The following HEMGN variants were observed in gnomAD, a reference collection of about 807,000 sequenced individuals.
HEMGN encodes the protein erythroid differentiation-associated gene protein.
A neutral mutation model predicts 45.7 loss-of-function variants in HEMGN; 32 were observed. That is an observed-to-expected ratio of 0.70 (90% CI 0.53 to 0.94). The LOEUF (loss-of-function observed/expected upper bound fraction) is 0.94. HEMGN is among the 40% of genes least tolerant of loss of function. The pLI is 0.00. For missense variants in HEMGN, 530 were observed against 564.2 expected, an observed-to-expected ratio of 0.94 and a Z score of 0.61; for synonymous variants, 183 against 178.6, an observed-to-expected ratio of 1.02 and a Z score of -0.20.
At chr9:97,932,009 G>C (rs376173933) in intron 2 of HEMGN, among the ~76,000 whole-genome samples, 1 of 152,150 alleles carries the variant, frequency 6.6e-6, no homozygotes, top group Admixed American at 6.5e-5. Flanking sequence ...GCTGGGGGAA[G>C]TACTATAAAT....
chr9:97,942,274 C>CTT (rs56055830), upstream of HEMGN, among the ~76,000 whole-genome samples: 58 of 128,182 alleles, frequency 4.5e-4, no homozygotes, highest in Non-Finnish European at 5.9e-4. Flanking sequence ...CTAATTCCTT[C>CTT]TTTTTTTTTT....
upstream of HEMGN, among the ~76,000 whole-genome samples, chr9:97,940,929 A>C (rs940380780): frequency 6.6e-6 from 1 of 152,152 alleles, no homozygotes; most frequent in Non-Finnish European, 1.5e-5. Flanking sequence ...CAATATCATC[A>C]TCTGTGTCAG....
intron 2 of HEMGN, among the ~76,000 whole-genome samples, chr9:97,935,523 T>G (rs1827042036): frequency 1.3e-5 from 2 of 152,118 alleles, no homozygotes; most frequent in African/African-American, 4.8e-5. Flanking sequence ...AGTGCCAAGG[T>G]GGAGACACTT....
At chr9:97,939,332 A>G (rs1827118419), upstream of HEMGN, among the ~76,000 whole-genome samples, 1 of 152,262 alleles carries the variant, frequency 6.6e-6, no homozygotes, top group African/African-American at 2.4e-5. Flanking sequence ...GAACTTGGTC[A>G]GTAAATGTTA....
chr9:97,938,275 A>G (rs1827099000), upstream of HEMGN: 2 of 637,442 alleles, frequency 3.1e-6, no homozygotes, highest in Non-Finnish European at 5.6e-6. Context: ...TTCCCGCCTA[A>G]AAGTTTTATC....
chr9:97,938,192 C>T, upstream of HEMGN: 1 of 1,113,726 alleles, frequency 9.0e-7, no homozygotes, highest in Non-Finnish European at 1.3e-6. Flanking sequence ...AGCCTAGATG[C>T]TTTTTTAAAA....
chr9:97,943,531 G>A (rs888624905), intron 1 of HEMGN, among the ~76,000 whole-genome samples: 2 of 152,182 alleles, frequency 1.3e-5, no homozygotes, highest in African/African-American at 4.8e-5. Flanking sequence ...TAGAATGGCT[G>A]TAGCCTGCCT....
rs763999120 is a variant in HEMGN, at chr9:97,927,399, A to T, written c.1440T>A (p.Ser480Arg). ...NESHPENDVY[S>R]YVLF ...TTGAGCATTGTTAAAACAAAACATAACTATAGACATCATTTTCTGGATGAC... is the reference window on the plus strand; with the variant it reads ...TTGAGCATTGTTAAAACAAAACATATCTATAGACATCATTTTCTGGATGAC... The change falls in exon 4 of 4, where the codon AGT becomes AGA. Residue 480 changes from serine to arginine, a missense_variant. Coordinates refer to ENST00000616898, the MANE Select transcript of HEMGN (RefSeq NM_197978.3). The T allele has an allele frequency of 6.2e-7, 1 of 1,600,496 alleles. No individual in the cohort carries two copies. The highest frequency in any genetic ancestry group is 8.6e-7 in the Non-Finnish European group (1 of 1,169,290).
At chr9:97,933,018 G>A (rs753907612) in intron 2 of HEMGN, among the ~76,000 whole-genome samples, 48 of 152,168 alleles carry the variant, frequency 3.2e-4, no homozygotes, top group Non-Finnish European at 5.7e-4. Flanking sequence ...CTCTGTATGA[G>A]GAGATCTGAG....
intron 2 of HEMGN, among the ~76,000 whole-genome samples, chr9:97,934,337 ACT>A (rs1368700594): frequency 6.6e-6 from 1 of 151,288 alleles, no homozygotes; most frequent in Non-Finnish European, 1.5e-5. Context: ...GCAGAGTGAG[ACT>A]CTGTCTCAAA....
chr9:97,931,049 T>C lies in HEMGN; in HGVS notation c.346A>G (p.Lys116Glu). 6.2e-7 allele frequency: 1 copy of C among 1,614,162 alleles called. No homozygotes were observed. The highest frequency in any genetic ancestry group is 8.5e-7 in the Non-Finnish European group (1 of 1,180,028). Reference sequence around the variant, plus strand: ...GGGGAGGCTACTGAAGGAAATACTTTGGTTATGCTCCCAGGTGGCTCAGTT... The same window carrying C: ...GGGGAGGCTACTGAAGGAAATACTTCGGTTATGCTCCCAGGTGGCTCAGTT... ...KKTEPPGSITKVFPSVASPQK... is the reference protein window; with the variant it reads ...KKTEPPGSITEVFPSVASPQK... Residue 116 changes from lysine (K) to glutamate (E), a missense_variant, in exon 3 of 4, where the codon AAA becomes GAA. Coordinates refer to ENST00000616898, the MANE Select transcript of HEMGN (RefSeq NM_197978.3).
In HEMGN at chr9:97,926,841, AAAAAAT is replaced by A. The variant is rs1467968282; in HGVS notation, c.*537_*542del. 3 of 152,660 alleles carry A rather than the reference AAAAAAT, an allele frequency of 2.0e-5. No homozygotes were observed. Among genetic ancestry groups the A allele is most frequent in the Non-Finnish European group, 4.4e-5 (3 of 68,046 alleles). 9.5% of individuals were successfully genotyped at this position (152,660 alleles called of 1,614,324 possible). A position where few individuals can be genotyped will look rare whatever the true frequency, so the allele number is the denominator to read the frequency against. ...TACATTGTGCACAAATACAATATTT[AAAAAAT>A]AAAAATAGAAAATCAAAATTCAAAT... On this transcript the variant is annotated 3_prime_UTR_variant, in exon 4 of 4. Coordinates refer to ENST00000616898, the MANE Select transcript of HEMGN (RefSeq NM_197978.3).
chr9:97,930,067 TC>T lies in HEMGN; in HGVS notation c.1327del (p.Glu443LysfsTer13), dbSNP rs1257626150. 5 of 1,613,920 alleles carry T rather than the reference TC, an allele frequency of 3.1e-6. No homozygotes were observed. Among genetic ancestry groups the T allele is most frequent in the Non-Finnish European group, 4.2e-6 (5 of 1,179,996 alleles). On this transcript the variant is annotated frameshift_variant, in exon 3 of 4. Transcript: ENST00000616898. LOFTEE classifies it low-confidence loss of function (END_TRUNC). Reference sequence around the variant, plus strand: ...AAAAGTATAAGCATCTTTAGCATCTTCCTGGTGTGCTTTAGGATCCTGGCCT... The same window carrying T: ...AAAAGTATAAGCATCTTTAGCATCTTCTGGTGTGCTTTAGGATCCTGGCCT... The part of the protein sequence containing the change: ...PQGQDPKAHQ[E>X]DAKDAYTFPQ...
chr9:97,930,999 G>A lies in HEMGN; in HGVS notation c.396C>T (p.His132=). 1 of 1,614,128 alleles carries A rather than the reference G, an allele frequency of 6.2e-7. No individual in the cohort carries two copies. Among genetic ancestry groups the A allele is most frequent in the Non-Finnish European group, 8.5e-7 (1 of 1,180,008 alleles). Residue 132 remains histidine, a synonymous_variant, in exon 3 of 4, where the codon CAC becomes CAT. Transcript: ENST00000616898. The part of the protein sequence containing the change: ...ASPQKVVPEE[H]FSEICQESNI... ...TACTTTCTTGACATATTTCAGAAAA[G>A]TGTTCCTCAGGCACAACTTTTTGCG...
rs10984422 is a variant in HEMGN at position 97,933,114 on chromosome 9, T to A, written c.174-1893A>T. Reference sequence around the variant, plus strand: ...GGCCTAAACTTTAGTCTGTACTCTCTCATGGTTGTGGGCAAGTCACTTAAC... The same window carrying A: ...GGCCTAAACTTTAGTCTGTACTCTCACATGGTTGTGGGCAAGTCACTTAAC... On this transcript the variant is annotated intron_variant, in intron 2 of 3. Transcript: ENST00000616898. Among the ~76,000 whole-genome samples the A allele has an allele frequency of 2.2e-3, 340 of 152,334 alleles. 4 individuals are homozygous for A. In the East Asian group the frequency reaches 0.051, roughly 23 times the overall value.
At chr9:97,928,898 A>G (rs1031505000) in intron 3 of HEMGN, among the ~76,000 whole-genome samples, 2 of 152,250 alleles carry the variant, frequency 1.3e-5, no homozygotes, top group Non-Finnish European at 2.9e-5. Context: ...TAGGATGGGT[A>G]CTGTCTCATT....
intron 2 of HEMGN, among the ~76,000 whole-genome samples, chr9:97,933,750 T>A (rs1423185585): frequency 6.6e-6 from 1 of 152,156 alleles, no homozygotes; most frequent in Non-Finnish European, 1.5e-5. Context: ...CTGCTGCCTC[T>A]CTCTGAAACT....
At chr9:97,935,051 C>T (rs1254834186) in intron 2 of HEMGN, among the ~76,000 whole-genome samples, 1 of 152,226 alleles carries the variant, frequency 6.6e-6, no homozygotes, top group African/African-American at 2.4e-5. Context: ...GCTTATACAA[C>T]AGCCAAGCTG....
chr9:97,936,165 C>T lies in HEMGN; in HGVS notation c.173+6G>A. On this transcript the variant is annotated splice_donor_region_variant and intron_variant, in intron 2 of 3. Coordinates refer to ENST00000616898, the MANE Select transcript of HEMGN (RefSeq NM_197978.3). ...TAGTTCCCTTTCCCTTGTGATGCTA[C>T]CATACCCAAATAGCCATTGTGATGT... is the stretch of plus-strand genomic sequence containing the variant. 1.3e-6 allele frequency: 2 copies of T among 1,592,464 alleles called. No individual in the cohort carries two copies. Among genetic ancestry groups the T allele is most frequent in the Non-Finnish European group, 1.7e-6 (2 of 1,160,382 alleles).
Sources: allele counts gnomAD v4.1 joint callset (sites outside exome capture counted in the v4.1 genomes callset), GRCh38; gene constraint gnomAD v4.1.1; transcripts MANE v1.5; gene names NCBI Gene and HGNC (gene_info 2026-07-23, HGNC 2026-07-21).